Variants in RASA3 observed in about 807,000 individuals in gnomAD.
RASA3 encodes ras GTPase-activating protein 3.
RASA3 carries 73 observed loss-of-function variants against 110.0 expected under a neutral mutation model. The observed-to-expected ratio is 0.66, with a 90% CI of 0.55 to 0.81. RASA3 has a LOEUF of 0.81. Ranked by LOEUF, RASA3 falls within the 30% of genes least tolerant of loss-of-function variation. The pLI, the probability that RASA3 is intolerant of heterozygous loss-of-function variation, is 0.00. For missense variants in RASA3, 976 were observed against 1,113.2 expected (o/e 0.88, Z 1.75); for synonymous variants, 500 against 451.4 (o/e 1.11, Z -1.37).
chr13:114,110,799 G>T (rs573099819), intron 1 of RASA3, among the ~76,000 whole-genome samples: 1 of 152,154 alleles, frequency 6.6e-6, no homozygotes, highest in South Asian at 2.1e-4. Flanking sequence ...ACACCCATCC[G>T]GACACCGGCA....
chr13:114,013,308 C>A (rs1396976082), intron 14 of RASA3, 60 bp from the exon 15 acceptor site: 3 of 1,318,986 alleles, frequency 2.3e-6, no homozygotes, highest in Non-Finnish European at 3.2e-6. Flanking sequence ...CGTGGGGACA[C>A]CATGCCCCGG....
chr13:113,984,416 T>C (rs1362201511), intron 22 of RASA3, among the ~76,000 whole-genome samples: 2 of 52,136 alleles, frequency 3.8e-5, no homozygotes, highest in African/African-American at 6.4e-5. Flanking sequence ...ACTCACCCCT[T>C]TGTCCATGAA....
chr13:114,125,454 G>C (rs1566591362), intron 1 of RASA3, among the ~76,000 whole-genome samples: 1 of 152,134 alleles, frequency 6.6e-6, no homozygotes. Flanking sequence ...CGAGGTGGGA[G>C]GTGTGCCACC....
At chr13:114,046,854 G>T (rs890030318) in intron 3 of RASA3, among the ~76,000 whole-genome samples, 1 of 152,236 alleles carries the variant, frequency 6.6e-6, no homozygotes. Context: ...TCAGCCAAGG[G>T]TGCCGGAACA....
At chr13:114,125,475 A>G (rs1456748751) in intron 1 of RASA3, among the ~76,000 whole-genome samples, 1 of 152,188 alleles carries the variant, frequency 6.6e-6, no homozygotes, top group African/African-American at 2.4e-5. Context: ...GGATCTCACG[A>G]GAACTCACTC....
chr13:113,996,223 C>T (rs1229407702), intron 21 of RASA3, among the ~76,000 whole-genome samples: 1 of 152,164 alleles, frequency 6.6e-6, no homozygotes, highest in African/African-American at 2.4e-5. Flanking sequence ...CCTAGAGAAG[C>T]AGGATGGCCA....
At chr13:114,005,282 G>C (rs190914544) in intron 18 of RASA3, among the ~76,000 whole-genome samples, 1 of 152,348 alleles carries the variant, frequency 6.6e-6, no homozygotes, top group Admixed American at 6.5e-5. Context: ...GTCCACACCA[G>C]GCAGAGCAAA....
intron 2 of RASA3, among the ~76,000 whole-genome samples, chr13:114,066,857 GA>G (rs1319359201): frequency 6.6e-6 from 1 of 152,238 alleles, no homozygotes; most frequent in African/African-American, 2.4e-5. Flanking sequence ...TTCCAGGACT[GA>G]GAGAACAGAT....
rs370967073 is a variant in RASA3, at chr13:114,065,309, G to A, written c.173+8411C>T. On this transcript the variant is annotated intron_variant, in intron 2 of 23. Transcript: ENST00000334062. The surrounding 1 kb of genome is among the most constrained non-coding windows in gnomAD (Gnocchi z 4.1). ...AAAATAAACCTGGTTTCCCAGCTCT[G>A]TGCTCTGCCGCAGGCTCGGGGCCCA... Among the ~76,000 whole-genome samples the A allele has an allele frequency of 3.9e-5, 6 of 152,260 alleles. No homozygotes were observed. The highest frequency in any genetic ancestry group is 1.9e-4 in the East Asian group (1 of 5,198).
intron 2 of RASA3, among the ~76,000 whole-genome samples, chr13:114,054,019 G>C (rs973419238): frequency 6.6e-6 from 1 of 152,062 alleles, no homozygotes; most frequent in Admixed American, 6.6e-5. Context: ...CCAGCTACTC[G>C]GGAGGCTGAG....
At chr13:114,021,323 C>T in intron 9 of RASA3, 81 bp downstream of exon 9, 2 of 1,277,472 alleles carry the variant, frequency 1.6e-6, no homozygotes, top group South Asian at 1.2e-5. Context: ...CATGTGGCCT[C>T]TGTGCCTTTC....
chr13:114,121,456 C>T (rs573201707), intron 1 of RASA3, among the ~76,000 whole-genome samples: 7 of 152,356 alleles, frequency 4.6e-5, no homozygotes, highest in Admixed American at 3.3e-4. Flanking sequence ...AACAGAAGCC[C>T]ACCGGAGCCT....
intron 1 of RASA3, among the ~76,000 whole-genome samples, chr13:114,130,029 C>T (rs945899073): frequency 3.3e-5 from 5 of 152,234 alleles, no homozygotes; most frequent in African/African-American, 1.2e-4. Context: ...CCCCTGGCAC[C>T]AGCGCCGCTC....
chr13:114,108,392 CAT>C (rs2080169282), intron 1 of RASA3, among the ~76,000 whole-genome samples: 1 of 142,160 alleles, frequency 7.0e-6, no homozygotes, highest in African/African-American at 2.7e-5. Flanking sequence ...TCCGTCACCC[CAT>C]GTCCGTCACC....
chr13:114,053,076 T>TA (rs761933329), intron 2 of RASA3, among the ~76,000 whole-genome samples: 82 of 110,320 alleles, frequency 7.4e-4, no homozygotes, highest in Non-Finnish European at 1.1e-3. Flanking sequence ...TGACTGTGCT[T>TA]AGAGTCCTCG....
At chr13:114,023,473 T>A (rs923139816) in intron 8 of RASA3, among the ~76,000 whole-genome samples, 1 of 152,280 alleles carries the variant, frequency 6.6e-6, no homozygotes, top group South Asian at 2.1e-4. Context: ...TGCCTCTTCA[T>A]AGGGAATGGA....
At chr13:113,981,989 A>C in intron 22 of RASA3, 131 bp from the exon 23 acceptor site, 1 of 787,330 alleles carries the variant, frequency 1.3e-6, no homozygotes, top group Non-Finnish European at 2.0e-6. Flanking sequence ...GAAAGGGCTG[A>C]CCACCACTCG....
chr13:114,060,894 G>A (rs976675851), intron 2 of RASA3, among the ~76,000 whole-genome samples: 47 of 152,090 alleles, frequency 3.1e-4, no homozygotes, highest in African/African-American at 1.0e-3. Context: ...CTCCACAGCC[G>A]GGAGACGGGG....
chr13:114,087,155 G>A lies in RASA3; in HGVS notation c.56-13318C>T, dbSNP rs12430709. Among the ~76,000 whole-genome samples the A allele has an allele frequency of 5.6e-5, 3 of 53,458 alleles. No individual in the cohort carries two copies. The South Asian group carries it at 2.7e-3, about 47-fold the overall frequency. The allele number at this position is 53,458 out of a possible 152,430, so 35.1% of individuals were successfully genotyped here. On this transcript the variant is annotated intron_variant, in intron 1 of 23. Coordinates refer to ENST00000334062, the MANE Select transcript of RASA3 (RefSeq NM_007368.4). ...TGAGTCTGGAGTATCGACTCCCTTC[G>A]TCCTCGCGGGGAAATCCCGGGGAAG...
Sources: gnomAD v4.1 joint callset for allele counts (sites outside exome capture counted in the v4.1 genomes callset) on GRCh38, gnomAD v4.1.1 for gene constraint, Gnocchi (gnomAD v3.1) non-coding constraint, MANE v1.5 for transcripts, NCBI Gene and HGNC (gene_info 2026-07-23, HGNC 2026-07-21) for gene names.